The following MACF1 variants were observed in gnomAD, a reference collection of about 807,000 sequenced individuals.
The protein encoded by MACF1 is microtubule actin crosslinking factor 1.
Under a neutral mutation model 854.8 loss-of-function variants are expected in MACF1, and 193 were observed. That is an observed-to-expected ratio of 0.23 (90% CI 0.20 to 0.25). MACF1 has a LOEUF of 0.25. MACF1 is among the 10% of genes least tolerant of loss of function. MACF1 has a pLI of 1.00. For missense variants in MACF1, 7,722 were observed against 8,929.1 expected (o/e 0.86, Z 5.45); for synonymous variants, 3,185 against 3,226.7 (o/e 0.99, Z 0.44).
intron 2 of MACF1, among the ~76,000 whole-genome samples, chr1:39,096,053 C>G (rs1026007855): frequency 3.3e-5 from 5 of 151,798 alleles, no homozygotes; most frequent in Admixed American, 2.6e-4. Context: ...CCTGTGGACC[C>G]AACCACTCAG....
intron 6 of MACF1, among the ~76,000 whole-genome samples, chr1:39,261,024 T>G (rs1645158204): frequency 6.6e-6 from 1 of 152,192 alleles, no homozygotes; most frequent in Non-Finnish European, 1.5e-5. Flanking sequence ...TCTCTATTGT[T>G]GTTAAGCCAC....
chr1:39,370,604 AACC>A (rs1310491343), intron 51 of MACF1, among the ~76,000 whole-genome samples: 2 of 152,208 alleles, frequency 1.3e-5, no homozygotes, highest in African/African-American at 4.8e-5. Flanking sequence ...TTACACCTCT[AACC>A]TATGTCTTCC....
chr1:39,130,256 A>G (rs960225238), intron 2 of MACF1, among the ~76,000 whole-genome samples: 3 of 152,210 alleles, frequency 2.0e-5, no homozygotes, highest in African/African-American at 4.8e-5. Context: ...TATATTTCTA[A>G]TGATTGGGCT....
intron 2 of MACF1, among the ~76,000 whole-genome samples, chr1:39,179,173 TC>T (rs1208130794): frequency 6.6e-6 from 1 of 152,206 alleles, no homozygotes; most frequent in Admixed American, 6.5e-5. Flanking sequence ...CAAGGTGAAC[TC>T]CCCCACACAC....
chr1:39,107,819 G>C (rs975949533), intron 2 of MACF1, among the ~76,000 whole-genome samples: 2 of 152,122 alleles, frequency 1.3e-5, no homozygotes, highest in African/African-American at 4.8e-5. Context: ...CACATTACTT[G>C]GATCTCTCTC....
chr1:39,170,079 C>T (rs913031865), intron 2 of MACF1, among the ~76,000 whole-genome samples: 17 of 150,496 alleles, frequency 1.1e-4, no homozygotes, highest in Admixed American at 1.1e-3. Flanking sequence ...CCGTGCCCAG[C>T]CTCTCCTTGC....
At chr1:39,265,060 T>A (rs1456069946) in intron 6 of MACF1, among the ~76,000 whole-genome samples, 1 of 152,252 alleles carries the variant, frequency 6.6e-6, no homozygotes, top group Non-Finnish European at 1.5e-5. Flanking sequence ...CTATAAACTC[T>A]TTATAGGCAG....
At chr1:39,381,062 TA>T (rs958790730) in intron 55 of MACF1, among the ~76,000 whole-genome samples, 4 of 152,130 alleles carry the variant, frequency 2.6e-5, no homozygotes, top group African/African-American at 9.7e-5. Flanking sequence ...TTAATTTAAT[TA>T]AATTTTTTTT....
chr1:39,148,922 T>G (rs570035036), intron 2 of MACF1, among the ~76,000 whole-genome samples: 1 of 152,248 alleles, frequency 6.6e-6, no homozygotes, highest in Non-Finnish European at 1.5e-5. Context: ...GAGATTTTTT[T>G]CCCCCTTTGG....
Position 39,138,792 on chromosome 1 carries a change from G to A in MACF1, c.220+54354G>A, listed in dbSNP as rs190403328. Reference sequence around the variant, plus strand: ...TGATTCTCCTGCCTCAGCCTCCTGAGTAGCTGGGATTACAGGTGAGTGCCA... The same window carrying A: ...TGATTCTCCTGCCTCAGCCTCCTGAATAGCTGGGATTACAGGTGAGTGCCA... On this transcript the variant is annotated intron_variant, in intron 2 of 93. Transcript: ENST00000361689. Among the ~76,000 whole-genome samples the A allele has an allele frequency of 7.1e-3, 1,079 of 152,040 alleles. 12 individuals are homozygous for A. Among genetic ancestry groups the A allele is most frequent in the African/African-American group, 0.025 (1,043 of 41,502 alleles).
intron 47 of MACF1, among the ~76,000 whole-genome samples, chr1:39,360,042 T>C (rs1227191287): frequency 2.7e-4 from 16 of 59,314 alleles, no homozygotes; most frequent in African/African-American, 1.1e-3. Flanking sequence ...TATATATATA[T>C]ATATATATAT....
chr1:39,410,703 G>T (rs760915766), intron 58 of MACF1: 1 of 1,613,794 alleles, frequency 6.2e-7, no homozygotes, highest in East Asian at 2.2e-5. Context: ...AATTTGCAGA[G>T]AGGATAGAAG....
intron 15 of MACF1, among the ~76,000 whole-genome samples, chr1:39,289,887 G>T (rs993772204): frequency 6.6e-6 from 1 of 151,566 alleles, no homozygotes; most frequent in African/African-American, 2.4e-5. Flanking sequence ...TTTTAGTAGA[G>T]ATGGGGTTCA....
At chr1:39,339,109 GC>G (rs1646879583) in intron 38 of MACF1, among the ~76,000 whole-genome samples, 1 of 151,990 alleles carries the variant, frequency 6.6e-6, no homozygotes, top group Non-Finnish European at 1.5e-5. Context: ...TAAGAAATTA[GC>G]CAAGCCTGGT....
Position 39,335,008 on chromosome 1 carries a change from AAGT to A in MACF1, c.8423_8425del (p.Val2808del), listed in dbSNP as rs756635522. On this transcript the variant is annotated inframe_deletion, in exon 37 of 101. Coordinates refer to ENST00000564288, the MANE Select transcript of MACF1 (RefSeq NM_001394062.1). ...CAGACTGCTGAAATGAGTTGTAATA[AAGT>A]AGAAGAGAGTGAGAGATTATTTCAA... 2 of 1,614,012 alleles carry A rather than the reference AAGT, an allele frequency of 1.2e-6. No individual in the cohort carries two copies. Among genetic ancestry groups the A allele is most frequent in the African/African-American group, 2.7e-5 (2 of 74,922 alleles).
chr1:39,473,326 A>C (rs1257672599), intron 97 of MACF1, among the ~76,000 whole-genome samples: 1 of 152,218 alleles, frequency 6.6e-6, no homozygotes, highest in Non-Finnish European at 1.5e-5. Flanking sequence ...TGATAGAATT[A>C]AACAGGTCCT....
At chr1:39,319,502 G>A (rs760573025) in intron 30 of MACF1, among the ~76,000 whole-genome samples, 162 bp from the exon 31 acceptor site, 8 of 152,194 alleles carry the variant, frequency 5.3e-5, no homozygotes, top group East Asian at 1.9e-4. Flanking sequence ...CACTGAACCA[G>A]AAACTCTGGA....
chr1:39,465,623 G>A (rs932830747), intron 95 of MACF1, among the ~76,000 whole-genome samples: 3 of 152,212 alleles, frequency 2.0e-5, no homozygotes, highest in Non-Finnish European at 4.4e-5. Context: ...TGCTGATTAT[G>A]GCCAGCCAGC....
intron 1 of MACF1, among the ~76,000 whole-genome samples, chr1:39,210,081 C>G (rs1355052381): frequency 6.7e-6 from 1 of 150,290 alleles, no homozygotes; most frequent in Non-Finnish European, 1.5e-5. Flanking sequence ...CAGAGTGAGA[C>G]TCCATCTCAG....
Sources: allele counts gnomAD v4.1 joint callset (sites outside exome capture counted in the v4.1 genomes callset), GRCh38; gene constraint gnomAD v4.1.1; transcripts MANE v1.5; gene names NCBI Gene and HGNC (gene_info 2026-07-23, HGNC 2026-07-21).